Variants in TMEM135 observed in about 807,000 individuals in gnomAD.
TMEM135 encodes the protein peroxisomal membrane protein 52.
TMEM135 carries 30 observed loss-of-function variants against 60.3 expected under a neutral mutation model. The observed-to-expected ratio is 0.50, with a 90% CI of 0.37 to 0.68. The LOEUF is 0.68. TMEM135 is among the 30% of genes least tolerant of loss of function. The pLI, the probability that TMEM135 is intolerant of heterozygous loss-of-function variation, is 0.00. For synonymous variants in TMEM135, 190 were observed against 186.7 expected (o/e 1.02, Z -0.14); for missense variants, 468 against 548.8 (o/e 0.85, Z 1.47).
At chr11:87,054,161 A>G (rs975663144) in intron 1 of TMEM135, among the ~76,000 whole-genome samples, 1 of 151,884 alleles carries the variant, frequency 6.6e-6, no homozygotes, top group African/African-American at 2.4e-5. Flanking sequence ...GTGGCGGGGC[A>G]GGTTGGCTTA....
chr11:87,101,671 T>C (rs1857458913), intron 4 of TMEM135, among the ~76,000 whole-genome samples: 1 of 152,156 alleles, frequency 6.6e-6, no homozygotes, highest in African/African-American at 2.4e-5. Flanking sequence ...TTTTCAAACA[T>C]AGGTTTGAAA....
chr11:87,220,776 C>T (rs1304575374), intron 5 of TMEM135, among the ~76,000 whole-genome samples: 4 of 151,994 alleles, frequency 2.6e-5, no homozygotes, highest in Non-Finnish European at 5.9e-5. Flanking sequence ...AAGAGGTATG[C>T]CTATAACTTA....
intron 5 of TMEM135, among the ~76,000 whole-genome samples, chr11:87,160,657 G>A (rs542688580): frequency 6.6e-6 from 1 of 152,214 alleles, no homozygotes; most frequent in South Asian, 2.1e-4. Flanking sequence ...AAATAACATT[G>A]CAGTTAAAGT....
At chr11:87,273,170 A>G (rs1941901194) in intron 6 of TMEM135, among the ~76,000 whole-genome samples, 1 of 152,190 alleles carries the variant, frequency 6.6e-6, no homozygotes. Context: ...TAGGATTTAG[A>G]TTAAAGACTT....
At chr11:87,253,917 T>C (rs1941471760) in intron 6 of TMEM135, among the ~76,000 whole-genome samples, 1 of 152,056 alleles carries the variant, frequency 6.6e-6, no homozygotes, top group South Asian at 2.1e-4. Context: ...AGTTTACTCT[T>C]TAGAAGTTAT....
intron 5 of TMEM135, among the ~76,000 whole-genome samples, chr11:87,234,243 T>C (rs1267977644): frequency 6.6e-6 from 1 of 152,008 alleles, no homozygotes; most frequent in Non-Finnish European, 1.5e-5. Flanking sequence ...TATTCTACTT[T>C]ATTTATCTCC....
intron 7 of TMEM135, among the ~76,000 whole-genome samples, chr11:87,300,600 C>G (rs756161815): frequency 2.0e-5 from 3 of 152,232 alleles, no homozygotes; most frequent in Non-Finnish European, 4.4e-5. Flanking sequence ...TCAGTTGGCA[C>G]TGTGCCTGTC....
intron 14 of TMEM135, among the ~76,000 whole-genome samples, chr11:87,320,910 G>A (rs896948554): frequency 1.3e-5 from 2 of 152,046 alleles, no homozygotes; most frequent in Admixed American, 1.3e-4. Flanking sequence ...ACAGTCTAGT[G>A]GAAAGAATTC....
In TMEM135 at chr11:87,054,084, C is replaced by G. The variant is rs140750227; in HGVS notation, c.142-13610C>G. Among the ~76,000 whole-genome samples the G allele has an allele frequency of 1.6e-4, 24 of 152,254 alleles. No individual in the cohort carries two copies. The South Asian group carries it at 2.7e-3, about 17-fold the overall frequency. On this transcript the variant is annotated intron_variant, in intron 1 of 14. Coordinates refer to ENST00000305494, the MANE Select transcript of TMEM135 (RefSeq NM_022918.4). ...CCTCATAATTATACTTGAGGGGAAT[C>G]AATAACTGAAATAAATTAAAGAAGA...
intron 2 of TMEM135, among the ~76,000 whole-genome samples, chr11:87,069,979 T>G (rs948261010): frequency 2.0e-5 from 3 of 151,510 alleles, no homozygotes; most frequent in African/African-American, 7.3e-5. Context: ...CGAGGCCAGC[T>G]TGGGCAACAT....
At chr11:87,171,078 TA>T (rs1352243620) in intron 5 of TMEM135, among the ~76,000 whole-genome samples, 3 of 152,056 alleles carry the variant, frequency 2.0e-5, no homozygotes, top group Non-Finnish European at 4.4e-5. Context: ...CTTTGCCAGT[TA>T]GGAGAAACAA....
At chr11:87,065,758 A>G (rs1463923673) in intron 1 of TMEM135, among the ~76,000 whole-genome samples, 1 of 152,124 alleles carries the variant, frequency 6.6e-6, no homozygotes, top group African/African-American at 2.4e-5. Context: ...TATCCATAAG[A>G]TTTGCTCCAT....
At chr11:87,293,932 G>A (rs1028951390) in intron 6 of TMEM135, among the ~76,000 whole-genome samples, 10 of 152,160 alleles carry the variant, frequency 6.6e-5, no homozygotes, top group Non-Finnish European at 1.5e-4. Context: ...TTGAGGAATC[G>A]CTATACTGTC....
At chr11:87,178,831 AT>A (rs2135300157) in intron 5 of TMEM135, among the ~76,000 whole-genome samples, 1 of 152,130 alleles carries the variant, frequency 6.6e-6, no homozygotes, top group East Asian at 1.9e-4. Context: ...GGACATATTA[AT>A]TGACCATTTG....
intron 5 of TMEM135, among the ~76,000 whole-genome samples, chr11:87,166,821 G>GT (rs1352149625): frequency 1.3e-5 from 2 of 151,794 alleles, no homozygotes; most frequent in Non-Finnish European, 2.9e-5. Flanking sequence ...ATTTAAAGTA[G>GT]TTTTTTCTAA....
chr11:87,197,301 T>C (rs1188704779), intron 5 of TMEM135, among the ~76,000 whole-genome samples: 3 of 152,208 alleles, frequency 2.0e-5, no homozygotes, highest in South Asian at 2.1e-4. Flanking sequence ...TTTAATTTAA[T>C]GCAAGAAATT....
At chr11:87,250,225 T>C (rs1941383666) in intron 6 of TMEM135, among the ~76,000 whole-genome samples, 2 of 152,180 alleles carry the variant, frequency 1.3e-5, no homozygotes, top group African/African-American at 4.8e-5. Flanking sequence ...TAAAGTTTTG[T>C]CGATCTATTT....
chr11:87,282,220 G>A lies in TMEM135; in HGVS notation c.510-13562G>A, dbSNP rs192326635. Among the ~76,000 whole-genome samples, 60 of 152,184 alleles carry A rather than the reference G, an allele frequency of 3.9e-4. 1 individual carries two copies. The highest frequency in any genetic ancestry group is 1.3e-3 in the African/African-American group (52 of 41,542). ...CACTCAGGCAAATCATGTTTAGATA[G>A]GAGAACATGTGGAAGTGAGCAACTG... On this transcript the variant is annotated intron_variant, in intron 6 of 14. Transcript: ENST00000305494.
At chr11:87,044,227 C>T (rs993762970) in intron 1 of TMEM135, among the ~76,000 whole-genome samples, 2 of 151,954 alleles carry the variant, frequency 1.3e-5, no homozygotes, top group Admixed American at 6.5e-5. Flanking sequence ...GAATAAAAAA[C>T]GGTTTATGGA....
Sources: allele counts gnomAD v4.1 joint callset (sites outside exome capture counted in the v4.1 genomes callset), GRCh38; gene constraint gnomAD v4.1.1; transcripts MANE v1.5; gene names NCBI Gene and HGNC (gene_info 2026-07-23, HGNC 2026-07-21).